ADCY3: variants seen among roughly 807,000 people sequenced by gnomAD.
ADCY3 encodes the protein adenylate cyclase type 3.
In ADCY3, 70 loss-of-function variants were observed where a neutral mutation model predicts 119.4. The observed-to-expected ratio is 0.59, with a 90% CI of 0.48 to 0.72. ADCY3 has a LOEUF of 0.72. ADCY3 is among the 30% of genes least tolerant of loss of function. The pLI, the probability that ADCY3 is intolerant of heterozygous loss-of-function variation, is 0.00. For synonymous variants in ADCY3, 672 were observed against 621.4 expected (o/e 1.08, Z -1.21); for missense variants, 1,238 against 1,541.6 (o/e 0.80, Z 3.30).
chr2:24,828,390 T>A (rs1290528407), intron 13 of ADCY3, among the ~76,000 whole-genome samples: 1 of 152,186 alleles, frequency 6.6e-6, no homozygotes, highest in Non-Finnish European at 1.5e-5. Flanking sequence ...CTCTCGAGTA[T>A]TTTTAGTACT....
At chr2:24,865,598 T>G (rs1674194075) in intron 3 of ADCY3, among the ~76,000 whole-genome samples, 1 of 150,804 alleles carries the variant, frequency 6.6e-6, no homozygotes, top group Non-Finnish European at 1.5e-5. Flanking sequence ...GATTCATGGA[T>G]GGGGGCTGGA....
chr2:24,820,341 T>G, intron 21 of ADCY3: 1 of 1,327,798 alleles, frequency 7.5e-7, no homozygotes, highest in Non-Finnish European at 9.6e-7. Flanking sequence ...CAGAGACTTC[T>G]CTCCTAGGAT....
At chr2:24,870,009 T>C (rs1340662826) in intron 3 of ADCY3, among the ~76,000 whole-genome samples, 1 of 151,870 alleles carries the variant, frequency 6.6e-6, no homozygotes, top group Non-Finnish European at 1.5e-5. Context: ...GATTCCTTCT[T>C]ACCCTTAAAA....
chr2:24,915,209 G>A (rs901073424), intron 2 of ADCY3, among the ~76,000 whole-genome samples: 2 of 152,236 alleles, frequency 1.3e-5, no homozygotes, highest in Non-Finnish European at 2.9e-5. Context: ...CTGGGAAACT[G>A]CGTTCATCCC....
At chr2:24,900,319 T>C (rs1289765693) in intron 2 of ADCY3, among the ~76,000 whole-genome samples, 1 of 140,218 alleles carries the variant, frequency 7.1e-6, no homozygotes, top group African/African-American at 2.6e-5. Flanking sequence ...CACTCCAGCC[T>C]GGGCAAAAGA....
At chr2:24,890,625 G>A (rs572527516) in intron 2 of ADCY3, among the ~76,000 whole-genome samples, 17 of 152,178 alleles carry the variant, frequency 1.1e-4, no homozygotes, top group Non-Finnish European at 2.1e-4. Context: ...CTGAGTGTCT[G>A]TATGATCTGT....
At chr2:24,851,103 A>G (rs1251630831) in intron 3 of ADCY3, among the ~76,000 whole-genome samples, 2 of 152,180 alleles carry the variant, frequency 1.3e-5, no homozygotes, top group African/African-American at 4.8e-5. Context: ...CTGTGATCCT[A>G]TCCCTGACCT....
chr2:24,838,644 C>T (rs772471278), intron 7 of ADCY3, 22 bp from the exon 8 acceptor site: 2 of 1,612,504 alleles, frequency 1.2e-6, no homozygotes, highest in Non-Finnish European at 8.5e-7. Context: ...AGAGAGAGGC[C>T]CTGAGCGTCG....
intron 6 of ADCY3, chr2:24,840,589 T>G (rs1434155860): frequency 1.1e-5 from 5 of 464,810 alleles, no homozygotes; most frequent in Non-Finnish European, 2.2e-5. Context: ...GGCAACTTCC[T>G]GGACTCCATC....
chr2:24,822,291 C>G, intron 19 of ADCY3: 1 of 564,902 alleles, frequency 1.8e-6, no homozygotes, highest in Non-Finnish European at 3.0e-6. Context: ...CATCTTAGGC[C>G]TGAGCTGTGA....
chr2:24,828,267 C>G (rs527469043), intron 13 of ADCY3, 106 bp from the exon 14 acceptor site: 1 of 1,384,286 alleles, frequency 7.2e-7, no homozygotes. Context: ...CCTCCCGCGG[C>G]TCCCCCAGAA....
At chr2:24,884,341 A>G (rs527499493) in intron 2 of ADCY3, among the ~76,000 whole-genome samples, 114 of 152,246 alleles carry the variant, frequency 7.5e-4, no homozygotes, top group Non-Finnish European at 1.5e-3. Flanking sequence ...GTAGATATGA[A>G]AACAAGGCAA....
chr2:24,838,331 G>A lies in ADCY3; in HGVS notation c.1533+114C>T, dbSNP rs1032563393. On this transcript the variant is annotated intron_variant, in intron 8 of 21. Coordinates refer to ENST00000679454, the MANE Select transcript of ADCY3 (RefSeq NM_004036.5). ...GCCTGCCACTCACCTCTCACAGCCA[G>A]CCACTGCTGGGTCCTGCCACCTCTT... 3 of 1,102,850 alleles carry A rather than the reference G, an allele frequency of 2.7e-6. No homozygotes were observed. In the African/African-American group the frequency reaches 4.8e-5, roughly 17 times the overall value. 68.3% of individuals were successfully genotyped at this position (1,102,850 alleles called of 1,614,324 possible).
chr2:24,849,957 C>T (rs746927475), intron 3 of ADCY3, among the ~76,000 whole-genome samples: 1 of 152,162 alleles, frequency 6.6e-6, no homozygotes, highest in Non-Finnish European at 1.5e-5. Context: ...AGTGGTGGCA[C>T]TGACCTGTCT....
chr2:24,846,648 A>G (rs999586064), intron 3 of ADCY3, among the ~76,000 whole-genome samples: 11 of 148,622 alleles, frequency 7.4e-5, no homozygotes, highest in African/African-American at 2.8e-4. Flanking sequence ...GTGCAATCTC[A>G]GCTCACTGCA....
chr2:24,843,503 C>G (rs1280625168), intron 3 of ADCY3, among the ~76,000 whole-genome samples: 1 of 152,206 alleles, frequency 6.6e-6, no homozygotes, highest in Admixed American at 6.5e-5. Flanking sequence ...TTCCTGGCAC[C>G]CAGCCATGCT....
At chr2:24,835,034 G>A (rs1670116137) in intron 9 of ADCY3, 98 bp from the exon 10 acceptor site, 1 of 1,437,620 alleles carries the variant, frequency 7.0e-7, no homozygotes, top group Non-Finnish European at 9.4e-7. Context: ...AACAAAAGAG[G>A]GCATACTCGG....
intron 2 of ADCY3, among the ~76,000 whole-genome samples, chr2:24,884,870 C>G (rs1676848499): frequency 6.6e-6 from 1 of 152,188 alleles, no homozygotes; most frequent in Admixed American, 6.5e-5. Flanking sequence ...CAGCATGTCT[C>G]CCACACATTC....
At chr2:24,897,787 T>A (rs1037408307) in intron 2 of ADCY3, among the ~76,000 whole-genome samples, 1 of 152,180 alleles carries the variant, frequency 6.6e-6, no homozygotes, top group African/African-American at 2.4e-5. Context: ...GCCCTCCGTC[T>A]ATGCTGGCTG....
Sources: allele counts gnomAD v4.1 joint callset (sites outside exome capture counted in the v4.1 genomes callset), GRCh38; gene constraint gnomAD v4.1.1; transcripts MANE v1.5; gene names NCBI Gene and HGNC (gene_info 2026-07-23, HGNC 2026-07-21).